SRGAP1: variants seen among roughly 807,000 people sequenced by gnomAD.
SRGAP1 encodes SLIT-ROBO Rho GTPase activating protein 1.
Under a neutral mutation model 121.9 loss-of-function variants are expected in SRGAP1, and 43 were observed. The ratio of observed to expected loss-of-function variants is 0.35; its 90% CI spans 0.28 to 0.46. The LOEUF (loss-of-function observed/expected upper bound fraction) is 0.46. Among genes scored for constraint, SRGAP1 ranks in the 20% least tolerant of loss-of-function variants. The pLI, the probability that SRGAP1 is intolerant of heterozygous loss-of-function variation, is 1.00. For missense variants in SRGAP1, 1,102 were observed against 1,350.9 expected, an observed-to-expected ratio of 0.82 and a Z score of 2.89; for synonymous variants, 447 against 485.4, an observed-to-expected ratio of 0.92 and a Z score of 1.04.
chr12:63,944,707 C>G (rs1381446533), intron 1 of SRGAP1, among the ~76,000 whole-genome samples: 1 of 152,156 alleles, frequency 6.6e-6, no homozygotes, highest in Non-Finnish European at 1.5e-5. Context: ...CAGCTGAGGC[C>G]CAAGGTTGCC....
chr12:64,042,934 C>G lies in SRGAP1; in HGVS notation c.634C>G (p.Arg212Gly). The G allele has an allele frequency of 6.2e-7, 1 of 1,613,358 alleles. No individual in the cohort carries two copies. The highest frequency in any genetic ancestry group is 1.1e-5 in the South Asian group (1 of 91,040). Residue 212 changes from arginine to glycine, a missense_variant, in exon 5 of 22, where the codon CGA (arginine) becomes GGA (glycine). This residue lies in a region of SRGAP1 where 747 missense variants were observed against 929.4 expected (regional missense o/e 0.80). Transcript: ENST00000355086. ...HIRLEERHQR[R>G]SSVKKIEKMK... ...TCGACTAGAGGAGAGACATCAACGG[C>G]GAAGCTCTGTAAAGAAAATTGAAAA...
intron 21 of SRGAP1, among the ~76,000 whole-genome samples, chr12:64,136,866 A>C (rs1227818088): frequency 6.6e-6 from 1 of 152,224 alleles, no homozygotes; most frequent in Non-Finnish European, 1.5e-5. Context: ...GTGAAACATA[A>C]TTTGGGTTAG....
intron 1 of SRGAP1, among the ~76,000 whole-genome samples, chr12:63,866,836 G>A (rs1249203892): frequency 6.6e-6 from 1 of 151,602 alleles, no homozygotes; most frequent in African/African-American, 2.4e-5. Context: ...AGTCTCTGGG[G>A]AGATAAGGGA....
chr12:64,094,975 G>T lies in SRGAP1; in HGVS notation c.1583G>T (p.Arg528Leu). ...CCCCTCATTGTGGAAAGCTGTATTC[G>T]GTTCATCAATCTCTATGGTAAGCCA... ...VIPLIVESCI[R>L]FINLYGLQHQ... Residue 528 changes from arginine to leucine, a missense_variant, in exon 13 of 22, where the codon CGG becomes CTG. Transcript: ENST00000355086. 1 of 1,614,006 alleles carries T rather than the reference G, an allele frequency of 6.2e-7. No homozygotes were observed. Among genetic ancestry groups the T allele is most frequent in the Non-Finnish European group, 8.5e-7 (1 of 1,179,962 alleles).
chr12:63,932,255 T>C (rs1283688293), intron 1 of SRGAP1, among the ~76,000 whole-genome samples: 1 of 152,188 alleles, frequency 6.6e-6, no homozygotes, highest in Non-Finnish European at 1.5e-5. Context: ...CACTCTAGCC[T>C]GGACAACAGA....
chr12:64,088,387 T>G (rs2035985578), intron 11 of SRGAP1, among the ~76,000 whole-genome samples: 1 of 152,210 alleles, frequency 6.6e-6, no homozygotes, highest in Non-Finnish European at 1.5e-5. Context: ...GTAAGGCACT[T>G]CAAAAAAAGA....
In SRGAP1 at chr12:64,076,476, G is replaced by T. The variant is rs151231435; in HGVS notation, c.1126-2443G>T. On this transcript the variant is annotated intron_variant, in intron 8 of 21. Transcript: ENST00000355086. ...ATAACCAAAATTAAGAAAGCAGTGG[G>T]TGAGTTTAACATCAGGTAGAGCTAA... Among the ~76,000 whole-genome samples the T allele has an allele frequency of 3.3e-4, 50 of 152,234 alleles. No individual in the cohort carries two copies. In the East Asian group the frequency reaches 9.3e-3, roughly 28 times the overall value.
At chr12:63,939,586 T>C (rs2136348522) in intron 1 of SRGAP1, among the ~76,000 whole-genome samples, 1 of 152,172 alleles carries the variant, frequency 6.6e-6, no homozygotes, top group East Asian at 1.9e-4. Context: ...GGTTAATGAG[T>C]GGGCCCCTGG....
intron 1 of SRGAP1, among the ~76,000 whole-genome samples, chr12:63,964,938 TG>T (rs2032746390): frequency 6.6e-6 from 1 of 152,238 alleles, no homozygotes. Context: ...ATACAGAATC[TG>T]TAATCTTGCT....
intron 8 of SRGAP1, among the ~76,000 whole-genome samples, chr12:64,067,880 C>G (rs1380642440): frequency 6.6e-6 from 1 of 151,540 alleles, no homozygotes; most frequent in Admixed American, 6.6e-5. Context: ...GGTTGTGCCA[C>G]TGCACTCTAG....
chr12:64,104,682 G>A (rs903719267), intron 15 of SRGAP1, among the ~76,000 whole-genome samples: 8 of 152,194 alleles, frequency 5.3e-5, no homozygotes, highest in Non-Finnish European at 1.0e-4. Context: ...AGCCATCACG[G>A]TTAGAGGCCT....
intron 14 of SRGAP1, 130 bp downstream of exon 14, chr12:64,095,334 GTAAGAATCCAT>G: frequency 1.4e-6 from 1 of 715,476 alleles, no homozygotes; most frequent in Non-Finnish European, 2.3e-6. Flanking sequence ...GGGTGCAGCA[GTAAGAATCCAT>G]TAAGAATCGC....
chr12:64,136,295 A>G (rs1177904311), intron 21 of SRGAP1, among the ~76,000 whole-genome samples: 3 of 152,148 alleles, frequency 2.0e-5, no homozygotes, highest in Admixed American at 2.0e-4. Flanking sequence ...TGAGCCCAGG[A>G]GTTGGAGGCT....
intron 15 of SRGAP1, among the ~76,000 whole-genome samples, chr12:64,103,258 G>T (rs555756366): frequency 6.6e-6 from 1 of 152,248 alleles, no homozygotes; most frequent in South Asian, 2.1e-4. Context: ...CTAGAATTAA[G>T]GTGTGAGCCA....
intron 13 of SRGAP1, 62 bp from the exon 14 acceptor site, chr12:64,095,065 G>A: frequency 6.2e-7 from 1 of 1,609,310 alleles, no homozygotes; most frequent in Admixed American, 1.7e-5. Flanking sequence ...TACTTCCTGG[G>A]AAAAGAGGGA....
At chr12:63,977,424 C>A (rs764372751) in intron 1 of SRGAP1, among the ~76,000 whole-genome samples, 73 of 152,190 alleles carry the variant, frequency 4.8e-4, no homozygotes, top group Non-Finnish European at 9.3e-4. Context: ...TCATGAGTAT[C>A]ACACCAGCGT....
At chr12:64,059,643 T>C (rs2035409369) in intron 6 of SRGAP1, among the ~76,000 whole-genome samples, 1 of 152,168 alleles carries the variant, frequency 6.6e-6, no homozygotes, top group Admixed American at 6.5e-5. Context: ...GTGTTTTCAT[T>C]AACGCAAATT....
chr12:63,927,324 C>G (rs535148999), intron 1 of SRGAP1, among the ~76,000 whole-genome samples: 2 of 152,302 alleles, frequency 1.3e-5, no homozygotes, highest in African/African-American at 4.8e-5. Flanking sequence ...CTGGTGCCTG[C>G]TGCAGTCCCT....
chr12:64,078,831 C>G lies in SRGAP1; in HGVS notation c.1126-88C>G. ...ATTTGGCGGGGGCAGGCCCTGTGTC[C>G]TCATCTCTACCTGACAGAGTGGACT... On this transcript the variant is annotated intron_variant, in intron 8 of 21. Transcript: ENST00000355086. The G allele has an allele frequency of 5.0e-6, 7 of 1,413,378 alleles. No individual in the cohort carries two copies. In the South Asian group the frequency reaches 9.0e-5, roughly 18 times the overall value. The allele number at this position is 1,413,378 out of a possible 1,614,324, so 87.6% of individuals were successfully genotyped here.
Sources: gnomAD v4.1 joint callset for allele counts (sites outside exome capture counted in the v4.1 genomes callset) on GRCh38, gnomAD v4.1.1 for gene constraint, gnomAD v4.1.1 regional missense constraint, MANE v1.5 for transcripts, NCBI Gene and HGNC (gene_info 2026-07-23, HGNC 2026-07-21) for gene names.